SORCS1: variants seen among roughly 807,000 people sequenced by gnomAD.
The protein encoded by SORCS1 is VPS10 domain-containing receptor SorCS1.
A neutral mutation model predicts 146.1 loss-of-function variants in SORCS1; 60 were observed. The ratio of observed to expected loss-of-function variants is 0.41; its 90% confidence interval spans 0.33 to 0.51. The LOEUF is 0.51. Among genes scored for constraint, SORCS1 ranks in the 20% least tolerant of loss-of-function variants. The probability of loss-of-function intolerance (pLI) is 0.21; values close to 1 mark genes in which losing one functional copy is unlikely to be tolerated. For synonymous variants in SORCS1, 637 were observed against 584.0 expected (o/e 1.09, Z -1.31); for missense variants, 1,352 against 1,487.6 (o/e 0.91, Z 1.50).
At chr10:106,977,585 T>C (rs963668373) in intron 1 of SORCS1, among the ~76,000 whole-genome samples, 2 of 124,024 alleles carry the variant, frequency 1.6e-5, no homozygotes, top group African/African-American at 3.7e-5. Context: ...GTGTCATTCA[T>C]TGGATTTTTT....
At position 106,669,363 on chromosome 10, in the gene SORCS1, AT is replaced by A. The variant is rs917639007; in HGVS notation, c.2190-1562del. Among the ~76,000 whole-genome samples the A allele has an allele frequency of 3.4e-3, 497 of 148,226 alleles. 2 individuals are homozygous for A. Among genetic ancestry groups the A allele is most frequent in the African/African-American group, 9.1e-3 (371 of 40,602 alleles). On this transcript the variant is annotated intron_variant, in intron 16 of 25. Transcript: ENST00000263054. ...ACATTGGGACATCTCATCTCATCTCATTTTTTTTTTTCTCTTTGGTTTTCTA... is the reference window on the plus strand; with the variant it reads ...ACATTGGGACATCTCATCTCATCTCATTTTTTTTTTCTCTTTGGTTTTCTA...
chr10:106,874,676 A>G (rs998652925), intron 2 of SORCS1, among the ~76,000 whole-genome samples: 72 of 152,232 alleles, frequency 4.7e-4, no homozygotes, highest in African/African-American at 1.6e-3. Flanking sequence ...TGGGAGGCAC[A>G]TGGCTGTGCA....
At chr10:106,986,276 AATAT>A (rs1360837741) in intron 1 of SORCS1, among the ~76,000 whole-genome samples, 3 of 152,064 alleles carry the variant, frequency 2.0e-5, no homozygotes, top group Admixed American at 6.6e-5. Context: ...ATGTACAGCA[AATAT>A]ATATACAAAC....
chr10:106,992,963 C>T (rs559140142), intron 1 of SORCS1, among the ~76,000 whole-genome samples: 1 of 151,140 alleles, frequency 6.6e-6, no homozygotes, highest in Non-Finnish European at 1.5e-5. Context: ...TCCCTAGTAG[C>T]TGGGATTACA....
At chr10:107,036,162 T>A (rs1215869098) in intron 1 of SORCS1, among the ~76,000 whole-genome samples, 1 of 151,902 alleles carries the variant, frequency 6.6e-6, no homozygotes, top group Non-Finnish European at 1.5e-5. Context: ...ACTTTGGTCA[T>A]AAGAAATGTT....
At chr10:106,625,442 C>T (rs891906545) in intron 19 of SORCS1, among the ~76,000 whole-genome samples, 1 of 152,130 alleles carries the variant, frequency 6.6e-6, no homozygotes, top group Non-Finnish European at 1.5e-5. Context: ...TAAAATCATA[C>T]TAATCTCTTC....
At chr10:107,112,586 A>G (rs373500575) in intron 1 of SORCS1, among the ~76,000 whole-genome samples, 19 of 152,296 alleles carry the variant, frequency 1.2e-4, no homozygotes, top group African/African-American at 4.1e-4. Flanking sequence ...CTAAAGATAC[A>G]GAGTGTCTGA....
chr10:106,766,671 GA>G (rs1341713411), intron 4 of SORCS1, among the ~76,000 whole-genome samples: 1 of 152,150 alleles, frequency 6.6e-6, no homozygotes, highest in East Asian at 1.9e-4. Flanking sequence ...AGCAGATAGT[GA>G]AAGAGCCATG....
chr10:106,693,419 C>T (rs910709442), intron 9 of SORCS1, among the ~76,000 whole-genome samples: 5 of 152,168 alleles, frequency 3.3e-5, no homozygotes, highest in African/African-American at 7.2e-5. Context: ...ACTGTCTCTT[C>T]GAACTTCTCT....
intron 4 of SORCS1, among the ~76,000 whole-genome samples, chr10:106,762,541 T>C (rs112081042): frequency 4.9e-4 from 74 of 151,632 alleles, no homozygotes; most frequent in African/African-American, 1.7e-3. Context: ...TACAGGTGCC[T>C]GCCACCAAGC....
rs549667944 is a variant in SORCS1 at position 106,789,528 on chromosome 10, T to A, written c.727-12836A>T. Among the ~76,000 whole-genome samples, 11 of 152,324 alleles carry A rather than the reference T, an allele frequency of 7.2e-5. No homozygotes were observed. The South Asian group carries it at 2.3e-3, about 32-fold the overall frequency. On this transcript the variant is annotated intron_variant, in intron 3 of 25. Coordinates refer to ENST00000263054, the MANE Select transcript of SORCS1 (RefSeq NM_052918.5). ...TAGGGCAGGGGCAAAATGCCACCAGTCTCTTTGCTAAAGTATAGCAAGAGT... is the reference window on the plus strand; with the variant it reads ...TAGGGCAGGGGCAAAATGCCACCAGACTCTTTGCTAAAGTATAGCAAGAGT...
At chr10:106,988,642 G>A (rs375231957) in intron 1 of SORCS1, among the ~76,000 whole-genome samples, 3 of 151,966 alleles carry the variant, frequency 2.0e-5, no homozygotes, top group Non-Finnish European at 2.9e-5. Flanking sequence ...TTATACACTC[G>A]CAGGATGCCT....
chr10:106,767,371 G>A (rs938289353), intron 4 of SORCS1, among the ~76,000 whole-genome samples: 6 of 152,144 alleles, frequency 3.9e-5, no homozygotes, highest in African/African-American at 1.4e-4. Context: ...TGGGAAGGGA[G>A]GGCCAATATA....
intron 1 of SORCS1, among the ~76,000 whole-genome samples, chr10:107,111,151 TAC>T (rs1400627868): frequency 7.0e-4 from 106 of 152,300 alleles, no homozygotes; most frequent in African/African-American, 2.5e-3. Context: ...AATGCAAGGC[TAC>T]AGCGATAACA....
chr10:106,737,087 G>T (rs1040467920), intron 5 of SORCS1, among the ~76,000 whole-genome samples: 5 of 152,056 alleles, frequency 3.3e-5, no homozygotes, highest in Non-Finnish European at 7.4e-5. Context: ...AGGTGTCAGG[G>T]AGCAAAGTGA....
At chr10:106,602,533 A>ACACACACACACG (rs1846306984) in intron 23 of SORCS1, among the ~76,000 whole-genome samples, 1 of 150,848 alleles carries the variant, frequency 6.6e-6, no homozygotes. Context: ...ACACACACAC[A>ACACACACACACG]CACACACACA....
chr10:107,166,713 A>G (rs1284193368), upstream of SORCS1, among the ~76,000 whole-genome samples: 1 of 152,210 alleles, frequency 6.6e-6, no homozygotes, highest in Admixed American at 6.5e-5. Flanking sequence ...ACTTCTTTCT[A>G]TGCCCTGCTA....
intron 2 of SORCS1, among the ~76,000 whole-genome samples, chr10:106,929,634 T>C (rs2138566839): frequency 6.6e-6 from 1 of 152,300 alleles, no homozygotes; most frequent in Admixed American, 6.5e-5. Flanking sequence ...CCTCCATTGT[T>C]TTAGTAGCCT....
chr10:106,752,538 C>T (rs549792442), intron 5 of SORCS1, among the ~76,000 whole-genome samples: 1 of 152,292 alleles, frequency 6.6e-6, no homozygotes, highest in African/African-American at 2.4e-5. Flanking sequence ...ATTTAGCATA[C>T]AGAATTAGAG....
Sources: gnomAD v4.1 joint callset for allele counts (sites outside exome capture counted in the v4.1 genomes callset) on GRCh38, gnomAD v4.1.1 for gene constraint, MANE v1.5 for transcripts, NCBI Gene and HGNC (gene_info 2026-07-23, HGNC 2026-07-21) for gene names.